RCC1L: variants seen among roughly 807,000 people sequenced by gnomAD.
RCC1L encodes RCC1-like G exchanging factor-like protein.
Under a neutral mutation model 58.6 loss-of-function variants are expected in RCC1L, and 46 were observed. The ratio of observed to expected loss-of-function variants is 0.79; its 90% CI spans 0.62 to 1.00. The LOEUF is 1.00. Ranked by LOEUF, RCC1L falls within the 50% of genes least tolerant of loss-of-function variation. The pLI is 0.00. For missense variants in RCC1L, 636 were observed against 623.6 expected, an observed-to-expected ratio of 1.02 and a Z score of -0.21; for synonymous variants, 281 against 262.9, an observed-to-expected ratio of 1.07 and a Z score of -0.67.
downstream of RCC1L, among the ~76,000 whole-genome samples, chr7:75,038,931 AG>A (rs1343710726): frequency 6.6e-6 from 1 of 152,168 alleles, no homozygotes; most frequent in Non-Finnish European, 1.5e-5. Context: ...GGAGTAGGGC[AG>A]GGAAGCGAAG....
chr7:75,062,248 G>T (rs34976058), intron 5 of RCC1L, among the ~76,000 whole-genome samples: 16,545 of 58,704 alleles, frequency 0.28, 1,085 homozygotes, highest in Middle Eastern at 0.51. Flanking sequence ...GCCTGACATG[G>T]TGGCTTAACC....
downstream of RCC1L, among the ~76,000 whole-genome samples, chr7:75,040,942 G>A (rs1009937459): frequency 6.6e-6 from 1 of 152,018 alleles, no homozygotes; most frequent in Admixed American, 6.6e-5. Context: ...TCTAGGCCGG[G>A]CACGGTGGCT....
chr7:75,063,834 C>T (rs920535594), intron 4 of RCC1L, among the ~76,000 whole-genome samples: 11 of 151,976 alleles, frequency 7.2e-5, no homozygotes, highest in Admixed American at 2.6e-4. Context: ...ACATGAGAAT[C>T]GCTTGAACTT....
chr7:75,057,692 A>T, intron 7 of RCC1L, 76 bp from the exon 8 acceptor site: 1 of 1,286,514 alleles, frequency 7.8e-7, no homozygotes, highest in Non-Finnish European at 1.1e-6. Flanking sequence ...TCTTAGGTAC[A>T]GAGTAGCTGA....
intron 10 of RCC1L, among the ~76,000 whole-genome samples, chr7:75,045,101 T>A (rs1805680132): frequency 6.6e-6 from 1 of 152,138 alleles, no homozygotes; most frequent in Non-Finnish European, 1.5e-5. Context: ...CTTAACCTCC[T>A]GGGCTCAAGT....
At chr7:75,071,730 G>GC (rs1391108816) in intron 1 of RCC1L, among the ~76,000 whole-genome samples, 2 of 151,916 alleles carry the variant, frequency 1.3e-5, no homozygotes, top group Admixed American at 6.6e-5. Context: ...TTGAATCCTG[G>GC]CCCCATCCTT....
intron 10 of RCC1L, 24 bp downstream of exon 10, chr7:75,052,687 C>T: frequency 6.3e-7 from 1 of 1,597,356 alleles, no homozygotes; most frequent in Non-Finnish European, 8.5e-7. Flanking sequence ...CATCCATTCT[C>T]AAGACCTCCC....
intron 10 of RCC1L, among the ~76,000 whole-genome samples, chr7:75,034,054 G>A (rs1004364656): frequency 3.9e-5 from 6 of 152,174 alleles, no homozygotes; most frequent in Non-Finnish European, 8.8e-5. Flanking sequence ...AAGGGAATGT[G>A]TGCAATGAAA....
Position 75,073,417 on chromosome 7 carries a change from T to G in RCC1L, c.321A>C (p.Gln107His). 8.0e-7 allele frequency: 1 copy of G among 1,255,892 alleles called. No homozygotes were observed. The highest frequency in any genetic ancestry group is 1.0e-6 in the Non-Finnish European group (1 of 972,152). 77.8% of individuals were successfully genotyped at this position (1,255,892 alleles called of 1,614,324 possible). The change falls in exon 1 of 11, where the codon CAA becomes CAC. Residue 107 changes from glutamine to histidine, a missense_variant. Transcript: ENST00000610322. The stretch of plus-strand genomic sequence containing the variant: ...AGGAGGAAGCCGCGGCCTGCACCTT[T>G]TGGTCCAGCTCCAGGCGATAGGGCA... Reference protein sequence around the residue: ...QPVPYRLELDQKISSAACGYG... With the variant: ...QPVPYRLELDHKISSAACGYG...
rs987073387 is a variant in RCC1L at position 75,059,137 on chromosome 7, T to C, written c.788-368A>G. On this transcript the variant is annotated intron_variant, in intron 6 of 10. Transcript: ENST00000610322. The stretch of plus-strand genomic sequence containing the variant: ...GAACCTAGGAGGTGGAGGTTCCAGT[T>C]AAGCCAAGATCACACCACTGCACTC... 6.3e-4 allele frequency among the ~76,000 whole-genome samples: 84 copies of C among 133,072 alleles called. 1 individual carries two copies. The East Asian group carries it at 0.013, about 20-fold the overall frequency. 87.3% of individuals were successfully genotyped at this position (133,072 alleles called of 152,430 possible). A position where few individuals can be genotyped will look rare whatever the true frequency, so the allele number is the denominator to read the frequency against.
intron 8 of RCC1L, chr7:75,056,393 A>T: frequency 2.1e-6 from 2 of 947,962 alleles, no homozygotes; most frequent in Non-Finnish European, 3.0e-6. Flanking sequence ...AACCCATACG[A>T]ATACCAGAGA....
rs1554446498 is a variant in RCC1L, at chr7:75,073,560, G to T, written c.178C>A (p.Arg60Ser). 1 of 1,507,026 alleles carries T rather than the reference G, an allele frequency of 6.6e-7. No individual in the cohort carries two copies. Among genetic ancestry groups the T allele is most frequent in the Non-Finnish European group, 8.8e-7 (1 of 1,136,050 alleles). 93.4% of individuals were successfully genotyped at this position (1,507,026 alleles called of 1,614,324 possible). Residue 60 changes from arginine (R) to serine (S), a missense_variant, in exon 1 of 11, where the codon CGC becomes AGC. Coordinates refer to ENST00000610322, the MANE Select transcript of RCC1L (RefSeq NM_030798.5). ...YVGERAARAD[R>S]VFVWGFSFSG... Reference sequence around the variant, plus strand: ...AAGCTGAAGCCCCACACGAAGACGCGATCGGCGCGGGCAGCGCGCTCGCCC... The same window carrying T: ...AAGCTGAAGCCCCACACGAAGACGCTATCGGCGCGGGCAGCGCGCTCGCCC...
intron 3 of RCC1L, 41 bp downstream of exon 3, chr7:75,066,623 G>A: frequency 6.2e-7 from 1 of 1,606,598 alleles, no homozygotes; most frequent in Non-Finnish European, 8.5e-7. Context: ...CAGTGAAATG[G>A]TCCCTGCACT....
At chr7:75,038,928 G>C (rs1055821813), downstream of RCC1L, among the ~76,000 whole-genome samples, 1 of 152,164 alleles carries the variant, frequency 6.6e-6, no homozygotes, top group Non-Finnish European at 1.5e-5. Flanking sequence ...AGTGGAGTAG[G>C]GCAGGGAAGC....
At chr7:75,040,468 A>C (rs911060716), downstream of RCC1L, among the ~76,000 whole-genome samples, 60 of 152,050 alleles carry the variant, frequency 3.9e-4, 1 homozygote, top group South Asian at 0.012. Context: ...TCAAACAAAC[A>C]AACAAAAAAG....
downstream of RCC1L, among the ~76,000 whole-genome samples, chr7:75,040,329 G>A (rs941442891): frequency 6.6e-6 from 1 of 152,196 alleles, no homozygotes; most frequent in Non-Finnish European, 1.5e-5. Context: ...GCGTGGTAGT[G>A]CATGCCTCTA....
At chr7:75,055,837 G>C in intron 9 of RCC1L, 64 bp downstream of exon 9, 8 of 1,599,134 alleles carry the variant, frequency 5.0e-6, no homozygotes, top group Non-Finnish European at 6.9e-6. Context: ...GCAGTTTGGG[G>C]TTGAACTGGA....
chr7:75,027,302 T>G (rs1805163234), exon 11 of RCC1L: 2 of 152,558 alleles, frequency 1.3e-5, no homozygotes, highest in Admixed American at 1.3e-4. Context: ...CACCCCACTT[T>G]CCCCAGGCAA....
chr7:75,052,131 C>T (rs1805931818), intron 10 of RCC1L, among the ~76,000 whole-genome samples: 3 of 152,164 alleles, frequency 2.0e-5, no homozygotes, highest in Admixed American at 6.6e-5. Flanking sequence ...CATACTACCG[C>T]CCCTAAGGAA....
Sources: allele counts gnomAD v4.1 joint callset (sites outside exome capture counted in the v4.1 genomes callset), GRCh38; gene constraint gnomAD v4.1.1; transcripts MANE v1.5; gene names NCBI Gene and HGNC (gene_info 2026-07-23, HGNC 2026-07-21).